Variants in COL17A1 observed in about 807,000 individuals in gnomAD.
COL17A1 encodes collagen type XVII alpha 1 chain, also known as collagen alpha-1(XVII) chain.
COL17A1 carries 181 observed loss-of-function variants against 218.4 expected under a neutral mutation model. The ratio of observed to expected loss-of-function variants is 0.83; its 90% CI spans 0.73 to 0.94. The LOEUF (loss-of-function observed/expected upper bound fraction) is 0.94, where lower values mean the gene tolerates loss of function less well. COL17A1 is among the 40% of genes least tolerant of loss of function. The pLI is 0.00. For missense variants in COL17A1, 1,924 were observed against 1,945.9 expected (o/e 0.99, Z 0.21); for synonymous variants, 721 against 731.0 (o/e 0.99, Z 0.22).
intron 32 of COL17A1, among the ~76,000 whole-genome samples, chr10:104,046,143 A>G (rs12256917): frequency 0.025 from 3,865 of 152,284 alleles, 144 homozygotes; most frequent in African/African-American, 0.088. Flanking sequence ...CCTGAGTCCA[A>G]TGCAGCATCA....
Position 104,058,126 on chromosome 10 carries a change from G to C in COL17A1, c.1267+20C>G, listed in dbSNP as rs761530441. ...GCCCCACTGGATCCTGTCACTGCAG[G>C]GTTCGCGGTTCTCACCCACCTGCAG... On this transcript the variant is annotated intron_variant, in intron 16 of 55. Transcript: ENST00000648076. 1 of 1,614,092 alleles carries C rather than the reference G, an allele frequency of 6.2e-7. No homozygotes were observed. The highest frequency in any genetic ancestry group is 1.1e-5 in the South Asian group (1 of 91,052).
At position 104,064,518 on chromosome 10, in the gene COL17A1, G is replaced by T. The variant is rs748540582; in HGVS notation, c.686C>A (p.Ser229Tyr). ...HVWSSTLPAG[S>Y]SMGTYHNNMT... ...GTTGTTGTGATAGGTCCCCATGGAG[G>T]ACCCCGCGGGCAGGGTGGAGGACCA... Residue 229 changes from serine to tyrosine, a missense_variant, in exon 10 of 56, where the codon TCC (serine) becomes TAC (tyrosine). Physicochemically the swap from Ser to Tyr is moderately radical, Grantham distance 144 (BLOSUM62 -2). Coordinates refer to ENST00000648076, the MANE Select transcript of COL17A1 (RefSeq NM_000494.4). 21 of 1,614,044 alleles carry T rather than the reference G, an allele frequency of 1.3e-5. No homozygotes were observed. The highest frequency in any genetic ancestry group is 1.7e-5 in the Non-Finnish European group (20 of 1,180,036).
chr10:104,036,528 CAT>C lies in COL17A1; in HGVS notation c.3380_3381del (p.Tyr1127CysfsTer5). 6.2e-7 allele frequency: 1 copy of C among 1,613,996 alleles called. No homozygotes were observed. The highest frequency in any genetic ancestry group is 8.5e-7 in the Non-Finnish European group (1 of 1,179,960). On this transcript the variant is annotated frameshift_variant, in exon 48 of 56. Transcript: ENST00000648076. LOFTEE classifies it high-confidence loss of function. Reference protein sequence around the residue: ...SGDGSLLSLDYAELSSRILSY... With the variant: ...SGDGSLLSLDXAELSSRILSY... ...CTGAGAATGCGACTACTCAGCTCTG[CAT>C]AGTCCAAAGACAGGAGGGACCCATC...
At chr10:104,040,535 T>C (rs1010569234) in intron 39 of COL17A1, 125 bp from the exon 40 acceptor site, 15 of 650,160 alleles carry the variant, frequency 2.3e-5, no homozygotes, top group Non-Finnish European at 8.5e-6. Flanking sequence ...GGTGGATGGA[T>C]GGATGAATGG....
At chr10:104,049,308 T>G in intron 29 of COL17A1, 101 bp downstream of exon 29, 3 of 1,075,246 alleles carry the variant, frequency 2.8e-6, no homozygotes, top group Non-Finnish European at 4.3e-6. Context: ...AGTGGGCAGA[T>G]TAGAGAGTAG....
At chr10:104,046,385 G>A (rs532300171) in intron 32 of COL17A1, among the ~76,000 whole-genome samples, 13 of 152,176 alleles carry the variant, frequency 8.5e-5, no homozygotes, top group South Asian at 4.1e-4. Context: ...AAGGATGAGC[G>A]CCCATGCCCT....
intron 22 of COL17A1, 78 bp from the exon 23 acceptor site, chr10:104,053,213 A>T: frequency 6.5e-7 from 1 of 1,537,540 alleles, no homozygotes; most frequent in Non-Finnish European, 8.9e-7. Flanking sequence ...CTCCCACGGC[A>T]GACGCTTGCC....
chr10:104,049,311 G>A (rs1482865433), intron 29 of COL17A1, 98 bp downstream of exon 29: 7 of 1,097,894 alleles, frequency 6.4e-6, no homozygotes, highest in Non-Finnish European at 9.8e-6. Context: ...GGGCAGATTA[G>A]AGAGTAGGAG....
Position 104,055,764 on chromosome 10 carries a change from GC to G in COL17A1, c.1687+17del. 1 of 1,613,378 alleles carries G rather than the reference GC, an allele frequency of 6.2e-7. No individual in the cohort carries two copies. Among genetic ancestry groups the G allele is most frequent in the Non-Finnish European group, 8.5e-7 (1 of 1,179,974 alleles). On this transcript the variant is annotated intron_variant, in intron 18 of 55. Transcript: ENST00000648076. ...AGGGACTCAGGGGAGCTGGCCCTGT[GC>G]CCGGCGATGCTCTCACCATTTTCCT... is the stretch of plus-strand genomic sequence containing the variant.
rs549866989 is a variant in COL17A1, at chr10:104,055,058, C to T, written c.1718-51G>A. The T allele has an allele frequency of 3.8e-5, 62 of 1,612,694 alleles. 1 individual carries two copies. The East Asian group carries it at 1.2e-3, about 32-fold the overall frequency. On this transcript the variant is annotated intron_variant, in intron 19 of 55. Transcript: ENST00000648076. ...GTGAGATGGGGCAAGAACCCAAAGGCCATACTCTGCCTTGTATTTTAAAAC... is the reference window on the plus strand; with the variant it reads ...GTGAGATGGGGCAAGAACCCAAAGGTCATACTCTGCCTTGTATTTTAAAAC...
At chr10:104,037,601 AAGGTGCC>A in intron 46 of COL17A1, 28 bp downstream of exon 46, 1 of 1,613,644 alleles carries the variant, frequency 6.2e-7, no homozygotes, top group East Asian at 2.2e-5. Flanking sequence ...CCACAGGAGG[AAGGTGCC>A]AGGTGCAGGG....
chr10:104,048,543 G>A (rs1446058197), intron 29 of COL17A1, among the ~76,000 whole-genome samples: 5 of 152,172 alleles, frequency 3.3e-5, no homozygotes, highest in African/African-American at 1.2e-4. Flanking sequence ...TTTCCAGACT[G>A]GTCATGCTTA....
rs201704631 is a variant in COL17A1, at chr10:104,032,199, G to A, written c.*36C>T. ...TGGACCTAAGTGCCACATGCATTAT[G>A]AGACCTGGTCCAGGAGCTGTCCTGC... On this transcript the variant is annotated 3_prime_UTR_variant, in exon 56 of 56. Coordinates refer to ENST00000648076, the MANE Select transcript of COL17A1 (RefSeq NM_000494.4). 3 of 1,587,392 alleles carry A rather than the reference G, an allele frequency of 1.9e-6. No homozygotes were observed. Among genetic ancestry groups the A allele is most frequent in the Non-Finnish European group, 2.6e-6 (3 of 1,155,756 alleles).
chr10:104,065,257 G>C (rs2086617548), intron 9 of COL17A1, among the ~76,000 whole-genome samples: 1 of 152,190 alleles, frequency 6.6e-6, no homozygotes, highest in South Asian at 2.1e-4. Flanking sequence ...TGATGTTTTG[G>C]TTTTAGGGTG....
chr10:104,043,722 CA>C lies in COL17A1; in HGVS notation c.2434+102del. ...TTTCCCTCCTCCCCCGCTACTGATC[CA>C]AAAAACTCCCAGCCACATCCTGCCC... On this transcript the variant is annotated intron_variant, in intron 34 of 55. Transcript: ENST00000648076. The C allele has an allele frequency of 1.0e-5, 16 of 1,544,332 alleles. No homozygotes were observed. The South Asian group carries it at 1.7e-4, about 16-fold the overall frequency.
Position 104,034,583 on chromosome 10 carries a change from C to A in COL17A1, c.3766+38G>T. 3.1e-6 allele frequency: 5 copies of A among 1,600,870 alleles called. No individual in the cohort carries two copies. The African/African-American group carries it at 6.7e-5, about 21-fold the overall frequency. On this transcript the variant is annotated intron_variant, in intron 51 of 55. Transcript: ENST00000648076. ...CACTTACAGGGAAAAGCAAGGCCTG[C>A]GGGGTGCCTGGTGGGGCATCACCGT...
Position 104,077,440 on chromosome 10 carries a change from T to C in COL17A1, c.184A>G (p.Ser62Gly). 6.2e-7 allele frequency: 1 copy of C among 1,613,182 alleles called. No homozygotes were observed. The highest frequency in any genetic ancestry group is 8.5e-7 in the Non-Finnish European group (1 of 1,179,708). Reference sequence around the variant, plus strand: ...CACTCACTTGAGTTTATGTAGCCGCTGCTGCCATGAGTCAGGCTTTGTTTC... The same window carrying C: ...CACTCACTTGAGTTTATGTAGCCGCCGCTGCCATGAGTCAGGCTTTGTTTC... Reference protein sequence around the residue: ...LEKQSLTHGSSGYINSTGSTR... With the variant: ...LEKQSLTHGSGGYINSTGSTR... The change falls in exon 4 of 56, where the codon AGC becomes GGC. Residue 62 changes from serine (S) to glycine (G), a missense_variant. Ser to Gly is a moderately conservative substitution (Grantham distance 56). Coordinates refer to ENST00000648076, the MANE Select transcript of COL17A1 (RefSeq NM_000494.4).
intron 50 of COL17A1, 125 bp from the exon 51 acceptor site, chr10:104,034,892 A>G (rs112805733): frequency 7.6e-6 from 9 of 1,180,218 alleles, no homozygotes; most frequent in African/African-American, 3.1e-5. Flanking sequence ...CTCCCGGGTG[A>G]TGGGAGGAGA....
chr10:104,034,829 C>A, intron 50 of COL17A1, 62 bp from the exon 51 acceptor site: 1 of 1,588,830 alleles, frequency 6.3e-7, no homozygotes, highest in Non-Finnish European at 8.6e-7. Flanking sequence ...GAATTCCCAG[C>A]CTGTGCTCGG....
Sources: gnomAD v4.1 joint callset for allele counts (sites outside exome capture counted in the v4.1 genomes callset) on GRCh38, gnomAD v4.1.1 for gene constraint, MANE v1.5 for transcripts, NCBI Gene and HGNC (gene_info 2026-07-23, HGNC 2026-07-21) for gene names.